Variants in IGF2BP3 observed in about 807,000 individuals in gnomAD.
IGF2BP3 encodes the protein insulin-like growth factor 2 mRNA-binding protein 3.
IGF2BP3 carries 9 observed loss-of-function variants against 73.8 expected under a neutral mutation model. That is an observed-to-expected ratio of 0.12 (90% CI 0.07 to 0.21). The LOEUF (loss-of-function observed/expected upper bound fraction) is 0.21, where lower values mean the gene tolerates loss of function less well. Among genes scored for constraint, IGF2BP3 ranks in the 10% least tolerant of loss-of-function variants. IGF2BP3 has a pLI of 1.00. For missense variants in IGF2BP3, 542 were observed against 714.0 expected (o/e 0.76, Z 2.75); for synonymous variants, 258 against 256.7 (o/e 1.01, Z -0.05).
At chr7:23,356,554 A>G (rs1485727058) in intron 5 of IGF2BP3, among the ~76,000 whole-genome samples, 1 of 152,176 alleles carries the variant, frequency 6.6e-6, no homozygotes, top group African/African-American at 2.4e-5. Flanking sequence ...CAGAATGAGA[A>G]CCTGTCTCAA....
At chr7:23,312,873 A>C in intron 13 of IGF2BP3, 25 bp from the exon 14 acceptor site, 1 of 1,493,908 alleles carries the variant, frequency 6.7e-7, no homozygotes, top group Non-Finnish European at 9.2e-7. Flanking sequence ...TATAAATCAC[A>C]TTAAGTGGCA....
At chr7:23,454,443 G>A (rs528207014) in intron 2 of IGF2BP3, among the ~76,000 whole-genome samples, 25 of 152,024 alleles carry the variant, frequency 1.6e-4, no homozygotes, top group Non-Finnish European at 3.1e-4. Context: ...GGGGTCATAC[G>A]GGAATAGGCA....
intron 10 of IGF2BP3, among the ~76,000 whole-genome samples, chr7:23,334,761 C>G (rs1364681236): frequency 6.6e-6 from 1 of 152,184 alleles, no homozygotes; most frequent in Non-Finnish European, 1.5e-5. Flanking sequence ...GTTTGCATAA[C>G]TGGTGAAGTC....
chr7:23,453,592 T>G (rs1302466282), intron 2 of IGF2BP3, among the ~76,000 whole-genome samples: 1 of 152,190 alleles, frequency 6.6e-6, no homozygotes, highest in African/African-American at 2.4e-5. Flanking sequence ...CACAAAGCCA[T>G]GAGGACTGGG....
At position 23,469,846 on chromosome 7, in the gene IGF2BP3, G is replaced by A; in HGVS notation, c.175+90C>T. 1 of 885,684 alleles carries A rather than the reference G, an allele frequency of 1.1e-6. No individual in the cohort carries two copies. The highest frequency in any genetic ancestry group is 1.5e-6 in the Non-Finnish European group (1 of 672,718). The allele number at this position is 885,684 out of a possible 1,614,324, so 54.9% of individuals were successfully genotyped here. A position where few individuals can be genotyped will look rare whatever the true frequency, so the allele number is the denominator to read the frequency against. ...CTCACCCCCGCTCCCCCAGCGCGCC[G>A]GGCCTGGGGCCCGCGGAGCCACCCG... On this transcript the variant is annotated intron_variant, in intron 1 of 14. Transcript: ENST00000258729. The surrounding 1 kb of genome is among the most constrained non-coding windows in gnomAD (Gnocchi z 6.1).
At chr7:23,431,829 C>CCA (rs60993484) in intron 2 of IGF2BP3, among the ~76,000 whole-genome samples, 10,949 of 151,942 alleles carry the variant, frequency 0.072, 485 homozygotes, top group South Asian at 0.14. Context: ...CCCCGCCAAC[C>CCA]CACACACACA....
At chr7:23,374,011 G>A (rs1329356365) in intron 3 of IGF2BP3, among the ~76,000 whole-genome samples, 1 of 152,202 alleles carries the variant, frequency 6.6e-6, no homozygotes, top group Non-Finnish European at 1.5e-5. Flanking sequence ...AGCAGATGCT[G>A]GAGCCATGCT....
chr7:23,346,017 A>C lies in IGF2BP3; in HGVS notation c.864T>G (p.Val288=). The change falls in exon 8 of 15, where the codon GTT becomes GTG. Residue 288 remains valine (V), a synonymous_variant. Transcript: ENST00000258729. ...TTCCTTCTTTACCAATAAGACGTCC[A>C]ACAAAGTTATTATGAGCTAAAATCT... ...PLKILAHNNF[V]GRLIGKEGRN... The C allele has an allele frequency of 6.2e-7, 1 of 1,613,802 alleles. No individual in the cohort carries two copies.
chr7:23,470,370 A>T lies in IGF2BP3; in HGVS notation c.-260T>A, dbSNP rs2128553842. ...CCCAAACGCATCCACCAGTCTTCCT[A>T]AGTCTTAGGAGGAGGCGGGATTAGC... is the stretch of plus-strand genomic sequence containing the variant. On this transcript the variant is annotated 5_prime_UTR_variant, in exon 1 of 15. Coordinates refer to ENST00000258729, the MANE Select transcript of IGF2BP3 (RefSeq NM_006547.3). 3.7e-6 allele frequency: 1 copy of T among 267,872 alleles called. No individual in the cohort carries two copies. The highest frequency in any genetic ancestry group is 1.1e-4 in the South Asian group (1 of 9,192). The allele number at this position is 267,872 out of a possible 1,614,324, so 16.6% of individuals were successfully genotyped here.
At chr7:23,395,834 G>A (rs1485327036) in intron 3 of IGF2BP3, among the ~76,000 whole-genome samples, 1 of 151,912 alleles carries the variant, frequency 6.6e-6, no homozygotes, top group Non-Finnish European at 1.5e-5. Context: ...GCTGAGGCAG[G>A]AGAACTGCTT....
intron 5 of IGF2BP3, among the ~76,000 whole-genome samples, chr7:23,353,318 G>C (rs1785013340): frequency 6.6e-6 from 1 of 152,146 alleles, no homozygotes; most frequent in African/African-American, 2.4e-5. Context: ...TACCAAAAAG[G>C]TCACTGAGGG....
chr7:23,350,515 T>C lies in IGF2BP3; in HGVS notation c.683+790A>G, dbSNP rs1033254568. The stretch of plus-strand genomic sequence containing the variant: ...CCAAGCTTCTTTGGGTCAAAAAATA[T>C]CCACATACTGTACAACAGTATGGTT... On this transcript the variant is annotated intron_variant, in intron 6 of 14. Coordinates refer to ENST00000258729, the MANE Select transcript of IGF2BP3 (RefSeq NM_006547.3). Among the ~76,000 whole-genome samples, 8 of 152,264 alleles carry C rather than the reference T, an allele frequency of 5.3e-5. No individual in the cohort carries two copies. In the East Asian group the frequency reaches 1.3e-3, roughly 26 times the overall value.
intron 2 of IGF2BP3, among the ~76,000 whole-genome samples, chr7:23,440,590 C>A (rs1158074513): frequency 6.6e-6 from 1 of 152,224 alleles, no homozygotes; most frequent in South Asian, 2.1e-4. Context: ...GAATGTGTTA[C>A]ACAGCCAAGT....
intron 3 of IGF2BP3, among the ~76,000 whole-genome samples, chr7:23,392,101 G>A (rs1289745292): frequency 6.6e-6 from 1 of 152,144 alleles, no homozygotes; most frequent in African/African-American, 2.4e-5. Context: ...CTAACCTACA[G>A]AAAGTATTTA....
At chr7:23,318,705 C>A (rs1784056753) in intron 11 of IGF2BP3, among the ~76,000 whole-genome samples, 1 of 152,156 alleles carries the variant, frequency 6.6e-6, no homozygotes, top group Admixed American at 6.6e-5. Context: ...AAGTTCTGGG[C>A]AATGGAAATA....
chr7:23,365,202 A>AT (rs1785339310), intron 3 of IGF2BP3, among the ~76,000 whole-genome samples: 1 of 152,124 alleles, frequency 6.6e-6, no homozygotes, highest in South Asian at 2.1e-4. Context: ...AGCCACACTG[A>AT]TAGTAGAGCT....
rs1277899171 is a variant in IGF2BP3 at position 23,311,448 on chromosome 7, C to T, written c.*914G>A. ...GTCTCCTGAAGCCATTTAAACCAGC[C>T]GTTCCAAAATCTCCTGCGACCACTT... is the stretch of plus-strand genomic sequence containing the variant. On this transcript the variant is annotated 3_prime_UTR_variant, in exon 15 of 15. Coordinates refer to ENST00000258729, the MANE Select transcript of IGF2BP3 (RefSeq NM_006547.3). The T allele has an allele frequency of 2.6e-5, 4 of 152,542 alleles. No homozygotes were observed. Among genetic ancestry groups the T allele is most frequent in the Non-Finnish European group, 4.4e-5 (3 of 68,016 alleles). The allele number at this position is 152,542 out of a possible 1,614,324, so 9.4% of individuals were successfully genotyped here.
intron 10 of IGF2BP3, among the ~76,000 whole-genome samples, chr7:23,339,417 A>T (rs1326898963): frequency 3.3e-5 from 5 of 152,238 alleles, no homozygotes; most frequent in Non-Finnish European, 7.3e-5. Context: ...TGATACACAG[A>T]ACTATACCAT....
chr7:23,418,438 C>T (rs1239228679), intron 3 of IGF2BP3, among the ~76,000 whole-genome samples: 1 of 152,170 alleles, frequency 6.6e-6, no homozygotes, highest in Non-Finnish European at 1.5e-5. Flanking sequence ...CTTTTTAAAA[C>T]TTTGCCAAGA....
Sources: gnomAD v4.1 joint callset for allele counts (sites outside exome capture counted in the v4.1 genomes callset) on GRCh38, gnomAD v4.1.1 for gene constraint, Gnocchi (gnomAD v3.1) non-coding constraint, MANE v1.5 for transcripts, NCBI Gene and HGNC (gene_info 2026-07-23, HGNC 2026-07-21) for gene names.